The following MAGI1 variants were observed in gnomAD, a reference collection of about 807,000 sequenced individuals.
MAGI1 encodes membrane associated guanylate kinase, WW and PDZ domain containing 1, also known as membrane-associated guanylate kinase, WW and PDZ domain-containing protein 1.
In MAGI1, 58 loss-of-function variants were observed where a neutral mutation model predicts 139.9. That is an observed-to-expected ratio of 0.41 (90% confidence interval 0.34 to 0.52). The LOEUF (loss-of-function observed/expected upper bound fraction) is 0.52, where lower values mean the gene tolerates loss of function less well. Among genes scored for constraint, MAGI1 ranks in the 20% least tolerant of loss-of-function variants. MAGI1 has a pLI of 0.12. For synonymous variants in MAGI1, 812 were observed against 737.9 expected, an observed-to-expected ratio of 1.10 and a Z score of -1.63; for missense variants, 1,874 against 1,901.6, an observed-to-expected ratio of 0.99 and a Z score of 0.27.
intron 1 of MAGI1, among the ~76,000 whole-genome samples, chr3:65,636,260 T>C (rs1429014317): frequency 7.2e-5 from 11 of 152,228 alleles, no homozygotes; most frequent in East Asian, 1.9e-4. Flanking sequence ...ATCTCTCTGA[T>C]TGACCACAGC....
At chr3:65,454,306 T>C (rs1364654427) in intron 5 of MAGI1, among the ~76,000 whole-genome samples, 1 of 149,502 alleles carries the variant, frequency 6.7e-6, no homozygotes, top group Non-Finnish European at 1.5e-5. Context: ...CCGCATATTC[T>C]CACTCATAGG....
At chr3:65,357,914 A>G (rs2106685481) in intron 22 of MAGI1, among the ~76,000 whole-genome samples, 1 of 152,332 alleles carries the variant, frequency 6.6e-6, no homozygotes, top group Non-Finnish European at 1.5e-5. Flanking sequence ...GCACACATTA[A>G]AAAATAAGGA....
intron 1 of MAGI1, among the ~76,000 whole-genome samples, chr3:65,888,878 T>C (rs35108414): frequency 3.3e-5 from 5 of 151,876 alleles, no homozygotes; most frequent in African/African-American, 1.2e-4. Context: ...CACCAGAAAT[T>C]ATCTGTGCGC....
intron 1 of MAGI1, among the ~76,000 whole-genome samples, chr3:65,651,423 A>C (rs944675324): frequency 3.9e-5 from 6 of 152,152 alleles, no homozygotes; most frequent in African/African-American, 1.4e-4. Context: ...TTGGGTCTAC[A>C]TTTATTCCAG....
chr3:65,904,201 T>G (rs767708103), intron 1 of MAGI1, among the ~76,000 whole-genome samples: 1 of 152,172 alleles, frequency 6.6e-6, no homozygotes, highest in Admixed American at 6.5e-5. Flanking sequence ...ATGGCTGATA[T>G]TTCACAAAAT....
At chr3:65,764,691 C>A (rs2037325935) in intron 1 of MAGI1, among the ~76,000 whole-genome samples, 1 of 152,062 alleles carries the variant, frequency 6.6e-6, no homozygotes, top group African/African-American at 2.4e-5. Flanking sequence ...CTTCCTTTTT[C>A]TTTTTCTTTT....
chr3:65,422,332 T>G (rs757185310), intron 12 of MAGI1, among the ~76,000 whole-genome samples: 1 of 152,216 alleles, frequency 6.6e-6, no homozygotes, highest in Non-Finnish European at 1.5e-5. Flanking sequence ...TCTTGGCCTA[T>G]GGACACAATG....
chr3:65,683,790 G>A (rs2087774270), intron 1 of MAGI1, among the ~76,000 whole-genome samples: 1 of 151,740 alleles, frequency 6.6e-6, no homozygotes, highest in Non-Finnish European at 1.5e-5. Flanking sequence ...TGAAAATATT[G>A]ACGCCACCAA....
At chr3:65,426,812 A>T (rs1461879176) in intron 12 of MAGI1, among the ~76,000 whole-genome samples, 1 of 152,330 alleles carries the variant, frequency 6.6e-6, no homozygotes, top group East Asian at 1.9e-4. Context: ...TATCCTATAC[A>T]TAAATCATAC....
intron 1 of MAGI1, among the ~76,000 whole-genome samples, chr3:65,635,584 G>C (rs1269099538): frequency 6.6e-6 from 1 of 152,212 alleles, no homozygotes; most frequent in Non-Finnish European, 1.5e-5. Context: ...AGCAAGGTTT[G>C]TTTCCATGAG....
intron 1 of MAGI1, among the ~76,000 whole-genome samples, chr3:65,926,436 G>A (rs1576092660): frequency 6.6e-6 from 1 of 150,608 alleles, no homozygotes; most frequent in East Asian, 2.0e-4. Context: ...TCTTGAAAAG[G>A]GGCTAGATAA....
At chr3:65,515,590 G>C (rs1240109041) in intron 2 of MAGI1, among the ~76,000 whole-genome samples, 1 of 152,136 alleles carries the variant, frequency 6.6e-6, no homozygotes, top group African/African-American at 2.4e-5. Flanking sequence ...AGTTAATGCT[G>C]TAGACAATGT....
At chr3:65,845,329 T>C (rs1391085287) in intron 1 of MAGI1, among the ~76,000 whole-genome samples, 1 of 152,014 alleles carries the variant, frequency 6.6e-6, no homozygotes, top group Non-Finnish European at 1.5e-5. Flanking sequence ...GTGTCGTGGT[T>C]AACATGATGG....
intron 1 of MAGI1, among the ~76,000 whole-genome samples, chr3:65,984,044 A>C (rs145040011): frequency 1.5e-3 from 232 of 152,308 alleles, no homozygotes; most frequent in African/African-American, 5.2e-3. Context: ...TGTAATTCCC[A>C]ACACTTTGGG....
At chr3:65,844,719 C>T (rs1267061256) in intron 1 of MAGI1, among the ~76,000 whole-genome samples, 1 of 152,170 alleles carries the variant, frequency 6.6e-6, no homozygotes, top group African/African-American at 2.4e-5. Context: ...AAACCCAATT[C>T]ATGCAAGACC....
Position 66,014,613 on chromosome 3 carries a change from C to T in MAGI1, c.313+23383G>A, listed in dbSNP as rs73833342. Among the ~76,000 whole-genome samples the T allele has an allele frequency of 7.5e-4, 114 of 152,212 alleles. 1 individual carries two copies. Among genetic ancestry groups the T allele is most frequent in the African/African-American group, 2.6e-3 (107 of 41,506 alleles). On this transcript the variant is annotated intron_variant, in intron 1 of 22. Transcript: ENST00000402939. ...TATCTTTTATGAGTTTGAGTATTTC[C>T]AAAGAATAGGTTTCTAGTGGTAGAA...
chr3:65,601,639 C>T (rs1008450653), intron 2 of MAGI1, among the ~76,000 whole-genome samples: 1 of 152,010 alleles, frequency 6.6e-6, no homozygotes, highest in African/African-American at 2.4e-5. Context: ...ATTCAAAATG[C>T]ACCATGGACC....
chr3:65,467,637 C>T (rs1299486350), intron 5 of MAGI1, among the ~76,000 whole-genome samples: 1 of 152,168 alleles, frequency 6.6e-6, no homozygotes. Flanking sequence ...TCTTGTAAGC[C>T]AGCCATAGTT....
chr3:66,005,634 C>T (rs924083395), intron 1 of MAGI1, among the ~76,000 whole-genome samples: 1 of 151,986 alleles, frequency 6.6e-6, no homozygotes, highest in African/African-American at 2.4e-5. Context: ...CATATTGAGG[C>T]CATCAGTGTG....
Sources: gnomAD v4.1 joint callset for allele counts (sites outside exome capture counted in the v4.1 genomes callset) on GRCh38, gnomAD v4.1.1 for gene constraint, MANE v1.5 for transcripts, NCBI Gene and HGNC (gene_info 2026-07-23, HGNC 2026-07-21) for gene names.